NTM: variants seen among roughly 807,000 people sequenced by gnomAD.
The protein encoded by NTM is IgLON family member 2.
Under a neutral mutation model 42.1 loss-of-function variants are expected in NTM, and 13 were observed. The observed-to-expected ratio is 0.31, with a 90% CI of 0.20 to 0.49. The LOEUF (loss-of-function observed/expected upper bound fraction) is 0.49. NTM is among the 20% of genes least tolerant of loss of function. NTM has a pLI of 0.99. For missense variants in NTM, 373 were observed against 452.8 expected, an observed-to-expected ratio of 0.82 and a Z score of 1.60; for synonymous variants, 187 against 179.2, an observed-to-expected ratio of 1.04 and a Z score of -0.35.
At chr11:131,839,372 G>A (rs908805684) in intron 1 of NTM, among the ~76,000 whole-genome samples, 4 of 152,184 alleles carry the variant, frequency 2.6e-5, no homozygotes, top group Non-Finnish European at 5.9e-5. Flanking sequence ...ATTTGAGGTT[G>A]GTGTCATTTA....
In NTM at chr11:131,379,930, T is replaced by C. The variant is rs184661451; in HGVS notation, c.82+9042T>C. On this transcript the variant is annotated intron_variant, in intron 1 of 8. Coordinates refer to ENST00000683400, the MANE Select transcript of NTM (RefSeq NM_001352005.2). The stretch of plus-strand genomic sequence containing the variant: ...TAGCCCAGCATATTAGAGCCCAGCA[T>C]ATTATAGCTTCTCCTGATTCCAAAT... 9.9e-5 allele frequency among the ~76,000 whole-genome samples: 15 copies of C among 152,254 alleles called. No individual in the cohort carries two copies. The East Asian group carries it at 1.9e-3, about 20-fold the overall frequency.
At chr11:131,998,498 T>C (rs1314546666) in intron 2 of NTM, among the ~76,000 whole-genome samples, 2 of 152,186 alleles carry the variant, frequency 1.3e-5, no homozygotes, top group African/African-American at 4.8e-5. Flanking sequence ...GCAAAGGGGA[T>C]AGTACTTAAC....
At chr11:132,199,516 T>A (rs2080826416) in intron 3 of NTM, among the ~76,000 whole-genome samples, 1 of 152,162 alleles carries the variant, frequency 6.6e-6, no homozygotes, top group African/African-American at 2.4e-5. Flanking sequence ...ACCCACACAA[T>A]TGCATTTCTC....
At chr11:132,129,044 G>A (rs1361671506) in intron 2 of NTM, among the ~76,000 whole-genome samples, 4 of 151,148 alleles carry the variant, frequency 2.6e-5, no homozygotes, top group African/African-American at 7.3e-5. Flanking sequence ...ACAAGTCCCA[G>A]CAGGTTATTG....
At chr11:131,585,900 G>A (rs993148295) in intron 1 of NTM, among the ~76,000 whole-genome samples, 62 of 152,268 alleles carry the variant, frequency 4.1e-4, no homozygotes, top group African/African-American at 1.5e-3. Flanking sequence ...TGCCCACGCA[G>A]ATTCTCACCA....
chr11:131,614,661 CT>C (rs2061751564), intron 1 of NTM, among the ~76,000 whole-genome samples: 1 of 152,232 alleles, frequency 6.6e-6, no homozygotes, highest in Admixed American at 6.5e-5. Flanking sequence ...GCCATCGTCA[CT>C]GCTTTGTCAG....
intron 2 of NTM, among the ~76,000 whole-genome samples, chr11:131,976,438 G>A (rs530769458): frequency 7.2e-5 from 11 of 152,124 alleles, no homozygotes; most frequent in Admixed American, 2.0e-4. Context: ...AATTTTCAAC[G>A]TTCTCTTCCC....
intron 2 of NTM, among the ~76,000 whole-genome samples, chr11:132,063,941 T>G (rs889129328): frequency 6.6e-6 from 1 of 152,202 alleles, no homozygotes; most frequent in African/African-American, 2.4e-5. Context: ...ACACTTAACA[T>G]GACCCACAAA....
chr11:131,834,063 C>T (rs527511252), intron 1 of NTM, among the ~76,000 whole-genome samples: 8 of 152,242 alleles, frequency 5.3e-5, no homozygotes, highest in Admixed American at 2.6e-4. Flanking sequence ...GGCATAAGTA[C>T]AGTCTCTTCT....
intron 2 of NTM, among the ~76,000 whole-genome samples, chr11:132,103,559 C>A (rs2061890752): frequency 6.6e-6 from 1 of 152,174 alleles, no homozygotes; most frequent in African/African-American, 2.4e-5. Context: ...TACGTTGTTG[C>A]TAATTCAGTT....
intron 1 of NTM, among the ~76,000 whole-genome samples, chr11:131,438,839 G>A (rs958148746): frequency 1.3e-5 from 2 of 152,202 alleles, no homozygotes; most frequent in African/African-American, 2.4e-5. Flanking sequence ...GAGAGGAACT[G>A]CAGTCCTTTG....
intron 1 of NTM, among the ~76,000 whole-genome samples, chr11:131,610,672 C>T (rs1053016228): frequency 8.5e-5 from 13 of 152,184 alleles, no homozygotes; most frequent in Non-Finnish European, 1.5e-4. Context: ...TTCTAGGAGG[C>T]TGTGGAGCAC....
intron 2 of NTM, among the ~76,000 whole-genome samples, chr11:132,119,130 C>T (rs1020742334): frequency 6.6e-6 from 1 of 152,190 alleles, no homozygotes; most frequent in African/African-American, 2.4e-5. Context: ...CAGCCGGTCT[C>T]CTCTACTTCT....
At chr11:132,206,076 C>G (rs2081951781) in intron 3 of NTM, among the ~76,000 whole-genome samples, 1 of 152,160 alleles carries the variant, frequency 6.6e-6, no homozygotes, top group Admixed American at 6.5e-5. Context: ...CCATCCCTTG[C>G]TTTTCATCTT....
chr11:131,822,512 T>TAAGAAC (rs1348318157), intron 1 of NTM, among the ~76,000 whole-genome samples: 2 of 152,224 alleles, frequency 1.3e-5, no homozygotes, highest in African/African-American at 4.8e-5. Flanking sequence ...GTGTGAAGAA[T>TAAGAAC]AAGAACGCGT....
intron 3 of NTM, among the ~76,000 whole-genome samples, chr11:132,207,162 C>A (rs1367366970): frequency 6.6e-6 from 1 of 152,156 alleles, no homozygotes; most frequent in Non-Finnish European, 1.5e-5. Flanking sequence ...TGTTAGGAAC[C>A]AGGCCACACA....
At chr11:131,917,937 A>G (rs975773181) in intron 2 of NTM, among the ~76,000 whole-genome samples, 5 of 152,258 alleles carry the variant, frequency 3.3e-5, no homozygotes, top group Non-Finnish European at 5.9e-5. Context: ...GGGTAGGAGT[A>G]TGCCAGTTGT....
rs869056003 is a variant in NTM, at chr11:131,598,875, TCTTCCTTCCTTC to T, written c.82+228024_82+228035del. 5.7e-3 allele frequency among the ~76,000 whole-genome samples: 200 copies of T among 35,030 alleles called. 23 individuals carry two copies. Among genetic ancestry groups the T allele is most frequent in the African/African-American group, 0.016 (164 of 10,160 alleles). 23.0% of individuals were successfully genotyped at this position (35,030 alleles called of 152,430 possible). A position where few individuals can be genotyped will look rare whatever the true frequency, so the allele number is the denominator to read the frequency against. The stretch of plus-strand genomic sequence containing the variant: ...TTCCTTCCTTCCTTCCTTCCTTCCT[TCTTCCTTCCTTC>T]CTTCCTTCCTTCCTTCCTTCCTTCC... On this transcript the variant is annotated intron_variant, in intron 1 of 8. Transcript: ENST00000683400.
chr11:131,911,694 C>T (rs60850004), intron 2 of NTM, 46 bp downstream of exon 2: 5 of 1,606,164 alleles, frequency 3.1e-6, no homozygotes, highest in East Asian at 2.2e-5. Flanking sequence ...TGTATGGGGT[C>T]GGGGTAAGGG....
Sources: gnomAD v4.1 joint callset for allele counts (sites outside exome capture counted in the v4.1 genomes callset) on GRCh38, gnomAD v4.1.1 for gene constraint, MANE v1.5 for transcripts, NCBI Gene and HGNC (gene_info 2026-07-23, HGNC 2026-07-21) for gene names.